TLE4: variants seen among roughly 807,000 people sequenced by gnomAD.
The protein encoded by TLE4 is TLE family member 4, transcriptional corepressor, also known as transducin-like enhancer protein 4.
A neutral mutation model predicts 92.8 loss-of-function variants in TLE4; 8 were observed. That is an observed-to-expected ratio of 0.09 (90% CI 0.05 to 0.16). TLE4 has a LOEUF of 0.16. Ranked by LOEUF, TLE4 falls within the 10% of genes least tolerant of loss-of-function variation. The probability of loss-of-function intolerance (pLI) is 1.00; values close to 1 mark genes in which losing one functional copy is unlikely to be tolerated. For synonymous variants in TLE4, 371 were observed against 374.1 expected (o/e 0.99, Z 0.10); for missense variants, 675 against 997.6 (o/e 0.68, Z 4.36).
At chr9:79,648,151 T>G (rs1377024495) in intron 6 of TLE4, among the ~76,000 whole-genome samples, 2 of 152,130 alleles carry the variant, frequency 1.3e-5, no homozygotes, top group African/African-American at 2.4e-5. Context: ...GGAACTTTTG[T>G]TTTTAAATAA....
intron 6 of TLE4, among the ~76,000 whole-genome samples, chr9:79,639,661 T>G (rs79564557): frequency 0.024 from 3,601 of 152,258 alleles, 138 homozygotes; most frequent in African/African-American, 0.079. Context: ...ACCTCTTCTG[T>G]GTTTAGATAC....
At chr9:79,666,160 CATCTG>C (rs2061350888) in intron 8 of TLE4, among the ~76,000 whole-genome samples, 1 of 116,150 alleles carries the variant, frequency 8.6e-6, no homozygotes, top group Admixed American at 9.5e-5. Flanking sequence ...CTGTTTCCTT[CATCTG>C]TGTGTGTGTG....
At chr9:79,598,534 TA>T (rs1415900514) in intron 4 of TLE4, among the ~76,000 whole-genome samples, 5 of 152,202 alleles carry the variant, frequency 3.3e-5, no homozygotes, top group African/African-American at 1.2e-4. Flanking sequence ...AATAGTCCTC[TA>T]AAAAGCATTT....
chr9:79,669,791 G>A (rs2061974363), intron 8 of TLE4, among the ~76,000 whole-genome samples: 1 of 152,170 alleles, frequency 6.6e-6, no homozygotes, highest in Non-Finnish European at 1.5e-5. Flanking sequence ...AGTGGGAATG[G>A]CCCAATTGTT....
intron 6 of TLE4, among the ~76,000 whole-genome samples, chr9:79,640,863 T>C (rs2056991577): frequency 6.6e-6 from 1 of 152,140 alleles, no homozygotes; most frequent in South Asian, 2.1e-4. Context: ...TAAAGGCCAG[T>C]TTAAGCTGGT....
At chr9:79,639,700 C>G (rs1365003526) in intron 6 of TLE4, among the ~76,000 whole-genome samples, 4 of 152,082 alleles carry the variant, frequency 2.6e-5, no homozygotes, top group Admixed American at 2.0e-4. Context: ...CAATTGCCTA[C>G]AATATTCAGT....
intron 8 of TLE4, among the ~76,000 whole-genome samples, chr9:79,696,896 T>G (rs1032522733): frequency 6.6e-6 from 1 of 152,132 alleles, no homozygotes; most frequent in African/African-American, 2.4e-5. Context: ...TCCGTGAACA[T>G]CCAGGAAAGA....
chr9:79,722,807 A>T, intron 18 of TLE4, 152 bp from the exon 19 acceptor site: 1 of 955,614 alleles, frequency 1.0e-6, no homozygotes, highest in Non-Finnish European at 1.5e-6. Context: ...TGACTCGATT[A>T]AATCCAGAAA....
chr9:79,716,001 T>C (rs76964362), intron 14 of TLE4, among the ~76,000 whole-genome samples: 3,765 of 152,332 alleles, frequency 0.025, 82 homozygotes, highest in Non-Finnish European at 0.039. Flanking sequence ...TCTAGATTAC[T>C]GTGTAGTCCC....
chr9:79,653,761 A>G (rs961585929), intron 7 of TLE4, among the ~76,000 whole-genome samples: 2 of 152,202 alleles, frequency 1.3e-5, no homozygotes, highest in Admixed American at 6.5e-5. Context: ...TCTTAATGCT[A>G]TGGTACAGAG....
At chr9:79,606,710 C>CT (rs921411114) in intron 4 of TLE4, among the ~76,000 whole-genome samples, 5 of 152,048 alleles carry the variant, frequency 3.3e-5, no homozygotes, top group Admixed American at 1.3e-4. Context: ...ATGAACTCGT[C>CT]TTTTTTTATG....
intron 8 of TLE4, among the ~76,000 whole-genome samples, chr9:79,691,438 A>G (rs1588301858): frequency 6.6e-6 from 1 of 152,128 alleles, no homozygotes; most frequent in East Asian, 1.9e-4. Flanking sequence ...AAAAATTCTT[A>G]CTGTGATTCG....
chr9:79,616,896 G>A (rs2049777457), intron 5 of TLE4, among the ~76,000 whole-genome samples: 2 of 152,156 alleles, frequency 1.3e-5, no homozygotes, highest in African/African-American at 4.8e-5. Context: ...GCTTTGCATT[G>A]CAAAGTTGAT....
chr9:79,611,251 A>G (rs1001423349), intron 4 of TLE4, among the ~76,000 whole-genome samples: 4 of 152,064 alleles, frequency 2.6e-5, no homozygotes, highest in African/African-American at 7.2e-5. Context: ...TAAATGCTCC[A>G]TGGGGCCAGT....
At chr9:79,626,604 C>T (rs1213398073) in intron 5 of TLE4, among the ~76,000 whole-genome samples, 1 of 152,154 alleles carries the variant, frequency 6.6e-6, no homozygotes, top group Non-Finnish European at 1.5e-5. Context: ...TGCCCCTATA[C>T]AGAGACTTCC....
intron 18 of TLE4, among the ~76,000 whole-genome samples, 172 bp from the exon 19 acceptor site, chr9:79,722,787 T>C (rs764924197): frequency 4.6e-5 from 7 of 152,222 alleles, no homozygotes; most frequent in Non-Finnish European, 1.0e-4. Flanking sequence ...ACTTTAACCT[T>C]AAGGATTAGT....
rs576358150 is a variant in TLE4, at chr9:79,661,913, C to CCCT, written c.609+7847_609+7849dup. ...GATAGTTGGAATTGGTGGTTAAGTA[C>CCCT]CCTCCTCCTCCCAACCCCTGGGTTC... On this transcript the variant is annotated intron_variant, in intron 8 of 19. Coordinates refer to ENST00000376552, the MANE Select transcript of TLE4 (RefSeq NM_007005.6). Among the ~76,000 whole-genome samples the CCCT allele has an allele frequency of 1.4e-4, 21 of 152,154 alleles. No individual in the cohort carries two copies. The East Asian group carries it at 3.9e-3, about 28-fold the overall frequency.
In TLE4 at chr9:79,720,097, C is replaced by T. The variant is rs373610401; in HGVS notation, c.1642C>T (p.Leu548=). The T allele has an allele frequency of 6.2e-7, 1 of 1,614,070 alleles. No individual in the cohort carries two copies. Among genetic ancestry groups the T allele is most frequent in the Non-Finnish European group, 8.5e-7 (1 of 1,179,964 alleles). ...SCRLLPDGRT[L]IVGGEASTLS... ...CAGATTGCTCCCTGATGGTCGCACC[C>T]TAATTGTTGGAGGGGAAGCCAGTAC... is the stretch of plus-strand genomic sequence containing the variant. Residue 548 remains leucine, a synonymous_variant, in exon 16 of 20, where the codon CTA becomes TTA. Transcript: ENST00000376552.
At chr9:79,662,664 G>A (rs992141563) in intron 8 of TLE4, among the ~76,000 whole-genome samples, 6 of 152,072 alleles carry the variant, frequency 3.9e-5, no homozygotes, top group Admixed American at 3.3e-4. Context: ...TGCCTCCTTC[G>A]ATGTAAACAA....
Sources: gnomAD v4.1 joint callset for allele counts (sites outside exome capture counted in the v4.1 genomes callset) on GRCh38, gnomAD v4.1.1 for gene constraint, MANE v1.5 for transcripts, NCBI Gene and HGNC (gene_info 2026-07-23, HGNC 2026-07-21) for gene names.